Variants in NUP93 observed in about 807,000 individuals in gnomAD.
The protein encoded by NUP93 is nucleoporin 93, also known as nuclear pore complex protein Nup93.
A neutral mutation model predicts 107.8 loss-of-function variants in NUP93; 55 were observed. That is an observed-to-expected ratio of 0.51 (90% CI 0.41 to 0.64). The LOEUF (loss-of-function observed/expected upper bound fraction) is 0.64. Among genes scored for constraint, NUP93 ranks in the 30% least tolerant of loss-of-function variants. The pLI, the probability that NUP93 is intolerant of heterozygous loss-of-function variation, is 0.00. For synonymous variants in NUP93, 390 were observed against 397.5 expected (o/e 0.98, Z 0.22); for missense variants, 937 against 1,044.7 (o/e 0.90, Z 1.42).
At chr16:56,805,476 G>T (rs772848540) in intron 4 of NUP93, 28 bp from the exon 5 acceptor site, 3 of 1,609,930 alleles carry the variant, frequency 1.9e-6, no homozygotes, top group East Asian at 2.2e-5. Flanking sequence ...TTTCCTGAGG[G>T]TCATTGTTCT....
intron 2 of NUP93, among the ~76,000 whole-genome samples, chr16:56,754,897 G>A (rs1261765640): frequency 6.6e-6 from 1 of 152,128 alleles, no homozygotes. Context: ...CTGTTCGGAG[G>A]CTCCCAAAAT....
intron 3 of NUP93, among the ~76,000 whole-genome samples, chr16:56,794,926 TCAAAAAAAAAAAA>T (rs1567391956): frequency 4.2e-5 from 1 of 23,718 alleles, no homozygotes; most frequent in Admixed American, 6.8e-4. Flanking sequence ...AGACTCTGTC[TCAAAAAAAAAAAA>T]AAAAAAAAAA....
rs1039598818 is a variant in NUP93, at chr16:56,814,109, G to A, written c.490-4555G>A. ...CCACTTAGAAATTAAATTCTTTTCC[G>A]TCTGCAGTATCATCATATTTTCTTA... On this transcript the variant is annotated intron_variant, in intron 5 of 21. Coordinates refer to ENST00000308159, the MANE Select transcript of NUP93 (RefSeq NM_014669.5). 7.2e-5 allele frequency among the ~76,000 whole-genome samples: 11 copies of A among 152,046 alleles called. No individual in the cohort carries two copies. The South Asian group carries it at 1.4e-3, about 20-fold the overall frequency.
At chr16:56,765,408 T>C (rs1962199409) in intron 3 of NUP93, among the ~76,000 whole-genome samples, 1 of 152,346 alleles carries the variant, frequency 6.6e-6, no homozygotes, top group Non-Finnish European at 1.5e-5. Context: ...TCTCAGCTTA[T>C]GACAGCTGCC....
intron 5 of NUP93, among the ~76,000 whole-genome samples, chr16:56,806,769 A>G (rs1419569625): frequency 6.6e-6 from 1 of 152,134 alleles, no homozygotes; most frequent in Non-Finnish European, 1.5e-5. Context: ...TCTATAACTT[A>G]AAAGTAGTAT....
intron 4 of NUP93, among the ~76,000 whole-genome samples, chr16:56,802,719 A>G (rs1330892838): frequency 1.3e-5 from 2 of 152,232 alleles, no homozygotes; most frequent in Non-Finnish European, 1.5e-5. Context: ...ATGCATATCA[A>G]TATTATCAGT....
intron 21 of NUP93, among the ~76,000 whole-genome samples, chr16:56,843,755 C>T (rs1232131065): frequency 2.6e-5 from 4 of 152,194 alleles, no homozygotes; most frequent in Non-Finnish European, 4.4e-5. Flanking sequence ...TTTGCTTTTC[C>T]GTTTTCTTCT....
intron 2 of NUP93, among the ~76,000 whole-genome samples, chr16:56,752,088 A>G (rs1469551515): frequency 3.9e-5 from 6 of 152,216 alleles, no homozygotes; most frequent in Admixed American, 3.9e-4. Context: ...GATAATTTTT[A>G]AATTCTGAGG....
intron 5 of NUP93, among the ~76,000 whole-genome samples, chr16:56,815,511 A>G (rs1462143923): frequency 6.6e-6 from 1 of 152,200 alleles, no homozygotes; most frequent in East Asian, 1.9e-4. Flanking sequence ...ACAAAGTGAA[A>G]TACTTTAGGT....
intron 5 of NUP93, among the ~76,000 whole-genome samples, chr16:56,812,870 T>C (rs1447368245): frequency 1.3e-5 from 2 of 152,230 alleles, no homozygotes; most frequent in East Asian, 3.8e-4. Flanking sequence ...TTTTTGCATC[T>C]GCTCAGCATG....
intron 1 of NUP93, among the ~76,000 whole-genome samples, chr16:56,732,403 T>C (rs760865109): frequency 1.1e-4 from 17 of 152,310 alleles, no homozygotes; most frequent in Middle Eastern, 3.4e-3. Context: ...ATTGAACTGA[T>C]AAGCCTGTGG....
intron 3 of NUP93, chr16:56,782,089 A>G (rs1441771098): frequency 1.0e-6 from 1 of 985,036 alleles, no homozygotes; most frequent in Non-Finnish European, 1.2e-6. Flanking sequence ...CAATTCAGGC[A>G]GTTTGGGGTG....
intron 3 of NUP93, among the ~76,000 whole-genome samples, chr16:56,785,292 G>C (rs1266907418): frequency 1.3e-5 from 2 of 152,064 alleles, no homozygotes; most frequent in Non-Finnish European, 2.9e-5. Flanking sequence ...CCTTTTGTTG[G>C]CTTTATAATA....
chr16:56,736,104 C>T (rs1195588549), intron 1 of NUP93, among the ~76,000 whole-genome samples: 1 of 152,148 alleles, frequency 6.6e-6, no homozygotes, highest in African/African-American at 2.4e-5. Context: ...CTGAGGCAGG[C>T]AGATCACCTG....
chr16:56,732,460 G>T (rs1961550527), intron 1 of NUP93, among the ~76,000 whole-genome samples: 1 of 152,176 alleles, frequency 6.6e-6, no homozygotes, highest in Non-Finnish European at 1.5e-5. Flanking sequence ...GTGATGTCAG[G>T]GCTGTTTCTT....
chr16:56,765,067 C>G (rs1255986435), intron 3 of NUP93, among the ~76,000 whole-genome samples: 1 of 152,190 alleles, frequency 6.6e-6, no homozygotes, highest in East Asian at 1.9e-4. Context: ...GGCAGAACAT[C>G]CCTATCTTCC....
In NUP93 at chr16:56,847,532, C is replaced by T. The variant is rs1428177241; in HGVS notation, c.*2923C>T. 1 of 152,142 alleles carries T rather than the reference C, an allele frequency of 6.6e-6. No homozygotes were observed. Among genetic ancestry groups the T allele is most frequent in the Non-Finnish European group, 1.5e-5 (1 of 68,036 alleles). The allele number at this position is 152,142 out of a possible 1,614,324, so 9.4% of individuals were successfully genotyped here. On this transcript the variant is annotated 3_prime_UTR_variant, in exon 22 of 22. Coordinates refer to ENST00000308159, the MANE Select transcript of NUP93 (RefSeq NM_014669.5). ...AGGGTTTGTTCCTGTCTCAGAATGG[C>T]TCATAATAAACTCACTGAAACACTC... is the stretch of plus-strand genomic sequence containing the variant.
rs1300159123 is a variant in NUP93, at chr16:56,821,551, C to G, written c.612C>G (p.Asn204Lys). Reference protein sequence around the residue: ...EKIVNGHLQPNLVDLCASVAE... With the variant: ...EKIVNGHLQPKLVDLCASVAE... ...TTGTAAATGGACACCTGCAGCCTAA[C>G]CTGGTGGACCTTTGTGCTTCCGTCG... The change falls in exon 7 of 22, where the codon AAC (asparagine) becomes AAG (lysine). Residue 204 changes from asparagine to lysine, a missense_variant. Coordinates refer to ENST00000308159, the MANE Select transcript of NUP93 (RefSeq NM_014669.5). The G allele has an allele frequency of 1.2e-6, 2 of 1,613,490 alleles. No homozygotes were observed. Among genetic ancestry groups the G allele is most frequent in the Non-Finnish European group, 1.7e-6 (2 of 1,179,550 alleles).
intron 21 of NUP93, among the ~76,000 whole-genome samples, chr16:56,842,920 G>A (rs1964055566): frequency 6.6e-6 from 1 of 152,088 alleles, no homozygotes; most frequent in South Asian, 2.1e-4. Flanking sequence ...GAGACTCTCA[G>A]CATCTCAGTG....
Sources: allele counts gnomAD v4.1 joint callset (sites outside exome capture counted in the v4.1 genomes callset), GRCh38; gene constraint gnomAD v4.1.1; transcripts MANE v1.5; gene names NCBI Gene and HGNC (gene_info 2026-07-23, HGNC 2026-07-21).